Variants in LTK observed in about 807,000 individuals in gnomAD.
The protein encoded by LTK is leukocyte receptor tyrosine kinase.
In LTK, 117 loss-of-function variants were observed where a neutral mutation model predicts 101.5. The ratio of observed to expected loss-of-function variants is 1.15; its 90% CI spans 0.99 to 1.34. LTK has a LOEUF of 1.34. Ranked by LOEUF, LTK falls within the 40% of genes most tolerant of loss-of-function variation. The probability of loss-of-function intolerance (pLI) is 0.00; values close to 1 mark genes in which losing one functional copy is unlikely to be tolerated. For synonymous variants in LTK, 563 were observed against 494.2 expected (o/e 1.14, Z -1.85); for missense variants, 1,252 against 1,164.7 (o/e 1.07, Z -1.09).
At chr15:41,510,200 G>T (rs1157729186) in intron 7 of LTK, among the ~76,000 whole-genome samples, 1 of 150,108 alleles carries the variant, frequency 6.7e-6, no homozygotes, top group East Asian at 2.0e-4. Context: ...ACAGATGGGG[G>T]TTTCACCATA....
At chr15:41,512,677 C>T in intron 3 of LTK, 30 bp downstream of exon 3, 1 of 1,522,824 alleles carries the variant, frequency 6.6e-7, no homozygotes, top group African/African-American at 1.4e-5. Context: ...TAGCAGGTCA[C>T]TGTCCACCCT....
chr15:41,507,436 G>A, intron 10 of LTK, 126 bp downstream of exon 10: 2 of 1,540,692 alleles, frequency 1.3e-6, no homozygotes, highest in East Asian at 2.4e-5. Flanking sequence ...GAATCCCAGA[G>A]GAGTCTACCA....
Position 41,512,772 on chromosome 15 carries a change from G to A in LTK, c.294C>T (p.Thr98=), listed in dbSNP as rs1700293258. ...CTCTCAGCTGCCCGGCGGCCCCCAC[G>A]GTCACCACCACGCTGGTCCCCGCGT... ...GAYAGTSVVV[T]VGAAGQLRGV... Residue 98 remains threonine, a synonymous_variant, in exon 3 of 20, where the codon ACC becomes ACT. Transcript: ENST00000263800. 1.9e-6 allele frequency: 3 copies of A among 1,610,926 alleles called. No homozygotes were observed. The highest frequency in any genetic ancestry group is 2.5e-6 in the Non-Finnish European group (3 of 1,179,240).
chr15:41,509,454 T>C (rs80152862), intron 7 of LTK, among the ~76,000 whole-genome samples: 2,289 of 152,366 alleles, frequency 0.015, 56 homozygotes, highest in African/African-American at 0.051. Context: ...TTTACACTAG[T>C]TATTTGATCA....
Position 41,509,023 on chromosome 15 carries a change from G to GCCCACCTGCC in LTK, c.1096+7_1096+8insGGCAGGTGGG, listed in dbSNP as rs1566870478. ...GGCCAGGCTCAGAGGTGGGGTTGGG[G>GCCCACCTGCC]CCAATACCTGCCAGAGGCTGCAGGA... On this transcript the variant is annotated splice_region_variant and intron_variant, in intron 8 of 19. Coordinates refer to ENST00000263800, the MANE Select transcript of LTK (RefSeq NM_002344.6). 6.3e-7 allele frequency: 1 copy of GCCCACCTGCC among 1,593,282 alleles called. No individual in the cohort carries two copies. Among genetic ancestry groups the GCCCACCTGCC allele is most frequent in the Admixed American group, 1.7e-5 (1 of 58,568 alleles).
chr15:41,509,649 A>G (rs1046126229), intron 7 of LTK, among the ~76,000 whole-genome samples: 1 of 152,184 alleles, frequency 6.6e-6, no homozygotes, highest in African/African-American at 2.4e-5. Flanking sequence ...TTACGAGGTC[A>G]GGAGTCCGAG....
At chr15:41,513,513 G>A (rs2140740177) in intron 1 of LTK, among the ~76,000 whole-genome samples, 154 bp downstream of exon 1, 1 of 152,360 alleles carries the variant, frequency 6.6e-6, no homozygotes, top group East Asian at 1.9e-4. Context: ...GCGCTTCTCG[G>A]CCCGCACTCC....
Position 41,504,534 on chromosome 15 carries a change from C to T in LTK, c.2227G>A (p.Asp743Asn), listed in dbSNP as rs1462733684. Residue 743 changes from aspartate (D) to asparagine (N), a missense_variant, in exon 18 of 20, where the codon GAC becomes AAC. Physicochemically the swap from Asp to Asn is conservative, Grantham distance 23 (BLOSUM62 1). Coordinates refer to ENST00000263800, the MANE Select transcript of LTK (RefSeq NM_002344.6). ...LDFVVGGGRM[D>N]PPRGCPGPVY... ...GGCCCTGGGCAGCCCCTAGGAGGGT[C>T]CATCCGGCCTCCTCCAACGACGAAG... 6.8e-6 allele frequency: 11 copies of T among 1,613,722 alleles called. No individual in the cohort carries two copies. The highest frequency in any genetic ancestry group is 9.3e-6 in the Non-Finnish European group (11 of 1,179,906).
Position 41,507,554 on chromosome 15 carries a change from C to A in LTK, c.1345+8G>T. The A allele has an allele frequency of 6.2e-7, 1 of 1,613,284 alleles. No homozygotes were observed. The highest frequency in any genetic ancestry group is 8.5e-7 in the Non-Finnish European group (1 of 1,179,748). The stretch of plus-strand genomic sequence containing the variant: ...TTGAATCAACTGTGCCTGCTAGACG[C>A]TTCGTACCCAGAATCAGGACCCCAC... On this transcript the variant is annotated splice_region_variant and intron_variant, in intron 10 of 19. Coordinates refer to ENST00000263800, the MANE Select transcript of LTK (RefSeq NM_002344.6).
At chr15:41,505,379 G>GC in intron 14 of LTK, 22 bp downstream of exon 14, 1 of 1,613,730 alleles carries the variant, frequency 6.2e-7, no homozygotes, top group East Asian at 2.2e-5. Flanking sequence ...GGGGCCTGGG[G>GC]GGGCTAAGAC....
chr15:41,507,459 G>T (rs1453933863), intron 10 of LTK, 103 bp downstream of exon 10: 1 of 1,554,870 alleles, frequency 6.4e-7, no homozygotes, highest in East Asian at 2.4e-5. Context: ...GCTCTGCTGC[G>T]GTGAGTGGTC....
intron 10 of LTK, 124 bp downstream of exon 10, chr15:41,507,438 A>G (rs2051323585): frequency 1.3e-6 from 2 of 1,540,302 alleles, no homozygotes; most frequent in Middle Eastern, 1.7e-4. Context: ...ATCCCAGAGG[A>G]GTCTACCACG....
rs1226616164 is a variant in LTK, at chr15:41,505,192, C to G, written c.1925+16G>C. 3 of 1,611,998 alleles carry G rather than the reference C, an allele frequency of 1.9e-6. No individual in the cohort carries two copies. The Admixed American group carries it at 5.0e-5, about 27-fold the overall frequency. Reference sequence around the variant, plus strand: ...GAGTTGGGATGGGGGTCCCCTGAGCCAGGACTGCTCCTAACCTGTGGATGA... The same window carrying G: ...GAGTTGGGATGGGGGTCCCCTGAGCGAGGACTGCTCCTAACCTGTGGATGA... On this transcript the variant is annotated intron_variant, in intron 15 of 19. Transcript: ENST00000263800.
rs1316025178 is a variant in LTK, at chr15:41,511,713, C to A, written c.657+104G>T. On this transcript the variant is annotated intron_variant, in intron 5 of 19. Transcript: ENST00000263800. This position sits in a 1 kb window ranked among gnomAD's most constrained non-coding sequence, Gnocchi z 5.9. Reference sequence around the variant, plus strand: ...CCCAGCCCAGGCCAGCCCAGCCCAGCGCAGGGATAGGGGGACCCCAAGGGA... The same window carrying A: ...CCCAGCCCAGGCCAGCCCAGCCCAGAGCAGGGATAGGGGGACCCCAAGGGA... 4.2e-6 allele frequency: 6 copies of A among 1,427,792 alleles called. No individual in the cohort carries two copies. The highest frequency in any genetic ancestry group is 2.9e-5 in the East Asian group (1 of 34,054). 88.4% of individuals were successfully genotyped at this position (1,427,792 alleles called of 1,614,324 possible). A position where few individuals can be genotyped will look rare whatever the true frequency, so the allele number is the denominator to read the frequency against.
chr15:41,505,775 G>A lies in LTK; in HGVS notation c.1635C>T (p.Thr545=), dbSNP rs370616929. The A allele has an allele frequency of 8.1e-6, 13 of 1,613,692 alleles. No individual in the cohort carries two copies. Among genetic ancestry groups the A allele is most frequent in the South Asian group, 2.2e-5 (2 of 91,054 alleles). ...CCTGAGGCGAGCAGAGTTCTGGCAGGGTCTGGGGAGGAAAAGGGCACAGTT... is the reference window on the plus strand; with the variant it reads ...CCTGAGGCGAGCAGAGTTCTGGCAGAGTCTGGGGAGGAAAAGGGCACAGTT... ...DSSPLQVAIK[T]LPELCSPQDE... Residue 545 remains threonine (T), a splice_region_variant and synonymous_variant, in exon 13 of 20, where the codon ACC becomes ACT. Coordinates refer to ENST00000263800, the MANE Select transcript of LTK (RefSeq NM_002344.6).
rs943837931 is a variant in LTK at position 41,504,776 on chromosome 15, G to C, written c.2117C>G (p.Ser706Cys). 1 of 1,611,580 alleles carries C rather than the reference G, an allele frequency of 6.2e-7. No homozygotes were observed. The highest frequency in any genetic ancestry group is 1.3e-5 in the African/African-American group (1 of 74,938). Residue 706 changes from serine to cysteine, a missense_variant, in exon 17 of 20, where the codon TCC (serine) becomes TGC (cysteine). Transcript: ENST00000263800. ...LEGIFTSKTDSWSFGVLLWEI... is the reference protein window; with the variant it reads ...LEGIFTSKTDCWSFGVLLWEI... ...GGGAGGGGAAGGGTGTTATCACCAG[G>C]AATCTGTCTTGGATGTGAAGATGCC...
chr15:41,512,924 C>T, intron 2 of LTK, 46 bp from the exon 3 acceptor site: 1 of 1,610,268 alleles, frequency 6.2e-7, no homozygotes, highest in Non-Finnish European at 8.5e-7. Flanking sequence ...CCTGGCTGGG[C>T]CAGAGGGGTC....
In LTK at chr15:41,508,231, A is replaced by C. The variant is rs1201161422; in HGVS notation, c.1097-10T>G. 1.2e-6 allele frequency: 2 copies of C among 1,607,934 alleles called. No individual in the cohort carries two copies. Among genetic ancestry groups the C allele is most frequent in the Non-Finnish European group, 1.7e-6 (2 of 1,177,280 alleles). The stretch of plus-strand genomic sequence containing the variant: ...CCGTGGTTCTCGGTGACTGTGAGTA[A>C]AAGAACTGATATGATATGGTGTGGT... On this transcript the variant is annotated splice_polypyrimidine_tract_variant and intron_variant, in intron 8 of 19. Transcript: ENST00000263800.
chr15:41,506,213 C>T (rs949712877), intron 11 of LTK, among the ~76,000 whole-genome samples: 2 of 152,220 alleles, frequency 1.3e-5, no homozygotes, highest in South Asian at 2.1e-4. Flanking sequence ...AGGGCAGATG[C>T]GGGCCAGAGT....
Sources: gnomAD v4.1 joint callset for allele counts (sites outside exome capture counted in the v4.1 genomes callset) on GRCh38, gnomAD v4.1.1 for gene constraint, Gnocchi (gnomAD v3.1) non-coding constraint, MANE v1.5 for transcripts, NCBI Gene and HGNC (gene_info 2026-07-23, HGNC 2026-07-21) for gene names.